The following ROBO1 variants were observed in gnomAD, a reference collection of about 807,000 sequenced individuals.
The protein encoded by ROBO1 is roundabout homolog 1.
In ROBO1, 149 loss-of-function variants were observed where a neutral mutation model predicts 195.9. The observed-to-expected ratio is 0.76, with a 90% CI of 0.67 to 0.87. The LOEUF (loss-of-function observed/expected upper bound fraction) is 0.87. ROBO1 is among the 40% of genes least tolerant of loss of function. The pLI is 0.00. For synonymous variants in ROBO1, 816 were observed against 733.2 expected (o/e 1.11, Z -1.82); for missense variants, 1,933 against 2,068.3 (o/e 0.93, Z 1.27).
intron 4 of ROBO1, among the ~76,000 whole-genome samples, chr3:78,875,890 A>G (rs1181199620): frequency 1.3e-5 from 2 of 152,128 alleles, no homozygotes; most frequent in Non-Finnish European, 1.5e-5. Flanking sequence ...ACAATTTAAA[A>G]TCTACTTTAG....
intron 2 of ROBO1, among the ~76,000 whole-genome samples, chr3:79,176,823 T>G (rs1439492971): frequency 6.6e-6 from 1 of 152,216 alleles, no homozygotes; most frequent in Non-Finnish European, 1.5e-5. Context: ...ATATATGTTT[T>G]AAGATTCACC....
chr3:79,711,004 T>G (rs982581356), intron 1 of ROBO1, among the ~76,000 whole-genome samples: 3 of 152,152 alleles, frequency 2.0e-5, no homozygotes, highest in Non-Finnish European at 4.4e-5. Flanking sequence ...ACTAAATTTA[T>G]GAGTGAATAA....
chr3:79,353,881 C>A (rs149016955), intron 2 of ROBO1, among the ~76,000 whole-genome samples: 12,452 of 151,908 alleles, frequency 0.082, 543 homozygotes, highest in Middle Eastern at 0.099. Flanking sequence ...CCCATTCCTA[C>A]TAAAAATACA....
chr3:78,673,565 TATATATA>T (rs1708205092), intron 10 of ROBO1, among the ~76,000 whole-genome samples: 15 of 20,110 alleles, frequency 7.5e-4, no homozygotes, highest in African/African-American at 3.4e-3. Flanking sequence ...ATATATTTTA[TATATATA>T]TATATATATA....
chr3:78,646,269 T>C, intron 20 of ROBO1, 79 bp from the exon 21 acceptor site: 3 of 1,322,110 alleles, frequency 2.3e-6, no homozygotes, highest in Non-Finnish European at 2.1e-6. Flanking sequence ...ATGAGCTTCT[T>C]TCTAAAATGG....
chr3:79,598,768 C>G (rs1248143907), intron 1 of ROBO1, among the ~76,000 whole-genome samples: 1 of 152,014 alleles, frequency 6.6e-6, no homozygotes, highest in Non-Finnish European at 1.5e-5. Context: ...AGCTGGTGCT[C>G]TCTTGAAAGA....
intron 4 of ROBO1, among the ~76,000 whole-genome samples, chr3:78,809,315 A>G (rs1303039953): frequency 6.6e-6 from 1 of 152,112 alleles, no homozygotes; most frequent in Non-Finnish European, 1.5e-5. Context: ...AGTTAGAATG[A>G]TGATCATTAA....
intron 4 of ROBO1, among the ~76,000 whole-genome samples, chr3:78,895,481 ATTGCCT>A (rs1356801126): frequency 2.0e-5 from 3 of 152,232 alleles, no homozygotes; most frequent in Non-Finnish European, 2.9e-5. Context: ...GTACCTGGCC[ATTGCCT>A]TGTCAAGTGC....
chr3:79,295,377 C>T (rs2109041569), intron 2 of ROBO1, among the ~76,000 whole-genome samples: 1 of 152,232 alleles, frequency 6.6e-6, no homozygotes, highest in East Asian at 1.9e-4. Context: ...CATGTTGTCA[C>T]TCATAAGTGG....
At chr3:79,601,081 A>C (rs1457538128) in intron 1 of ROBO1, among the ~76,000 whole-genome samples, 1 of 151,958 alleles carries the variant, frequency 6.6e-6, no homozygotes, top group Non-Finnish European at 1.5e-5. Flanking sequence ...GAACGAAGTA[A>C]TCAGGCTTCT....
intron 2 of ROBO1, among the ~76,000 whole-genome samples, chr3:79,203,021 G>GA (rs149973443): frequency 4.6e-5 from 7 of 150,786 alleles, no homozygotes; most frequent in Non-Finnish European, 7.4e-5. Flanking sequence ...TCCTCGAGGG[G>GA]AAAAAAAAAT....
chr3:78,855,680 G>A (rs1011056842), intron 4 of ROBO1, among the ~76,000 whole-genome samples: 2 of 152,058 alleles, frequency 1.3e-5, no homozygotes, highest in Non-Finnish European at 2.9e-5. Flanking sequence ...TGTTACAGCT[G>A]ATAAACTAGC....
At chr3:79,035,963 T>TA (rs1421385477) in intron 3 of ROBO1, among the ~76,000 whole-genome samples, 2 of 152,102 alleles carry the variant, frequency 1.3e-5, no homozygotes, top group East Asian at 1.9e-4. Flanking sequence ...ATTAATATTT[T>TA]AAAAAACCAT....
At chr3:79,187,820 T>C (rs549611838) in intron 2 of ROBO1, among the ~76,000 whole-genome samples, 3 of 152,008 alleles carry the variant, frequency 2.0e-5, no homozygotes, top group Non-Finnish European at 4.4e-5. Context: ...GCTGTCCTAA[T>C]ACACCATATT....
intron 2 of ROBO1, among the ~76,000 whole-genome samples, chr3:79,249,297 C>A (rs1052599700): frequency 2.0e-5 from 3 of 152,128 alleles, no homozygotes; most frequent in African/African-American, 7.2e-5. Flanking sequence ...AAGAGGACTA[C>A]GTTTCCTGAC....
chr3:78,630,810 C>T (rs1480963179), intron 25 of ROBO1, among the ~76,000 whole-genome samples: 1 of 152,166 alleles, frequency 6.6e-6, no homozygotes, highest in African/African-American at 2.4e-5. Context: ...ACACGATTAT[C>T]TTTCAAAAAT....
intron 2 of ROBO1, among the ~76,000 whole-genome samples, chr3:79,452,014 C>CT (rs766753433): frequency 8.6e-5 from 13 of 151,758 alleles, no homozygotes; most frequent in East Asian, 3.9e-4. Context: ...CCTTATGCAA[C>CT]TTTTTTTTAT....
At chr3:78,838,572 G>A (rs1174886363) in intron 4 of ROBO1, among the ~76,000 whole-genome samples, 1 of 152,172 alleles carries the variant, frequency 6.6e-6, no homozygotes, top group Admixed American at 6.5e-5. Flanking sequence ...TCACATGGTA[G>A]GAGGGGAAGC....
chr3:79,510,431 T>C (rs1054573876), intron 2 of ROBO1, among the ~76,000 whole-genome samples: 11 of 152,162 alleles, frequency 7.2e-5, no homozygotes, highest in African/African-American at 2.4e-4. Context: ...AATTCCCCAT[T>C]CTCTGGCATT....
Sources: gnomAD v4.1 joint callset for allele counts (sites outside exome capture counted in the v4.1 genomes callset) on GRCh38, gnomAD v4.1.1 for gene constraint, MANE v1.5 for transcripts, NCBI Gene and HGNC (gene_info 2026-07-23, HGNC 2026-07-21) for gene names.